NR3C2: variants seen among roughly 807,000 people sequenced by gnomAD.
The protein encoded by NR3C2 is nuclear receptor subfamily 3 group C member 2, also known as mineralocorticoid receptor.
In NR3C2, 15 loss-of-function variants were observed where a neutral mutation model predicts 86.4. That is an observed-to-expected ratio of 0.17 (90% CI 0.12 to 0.27). The LOEUF (loss-of-function observed/expected upper bound fraction) is 0.27, where lower values mean the gene tolerates loss of function less well. NR3C2 is among the 10% of genes least tolerant of loss of function. The pLI, the probability that NR3C2 is intolerant of heterozygous loss-of-function variation, is 1.00. For missense variants in NR3C2, 960 were observed against 1,195.6 expected (o/e 0.80, Z 2.91); for synonymous variants, 458 against 450.5 (o/e 1.02, Z -0.21).
chr4:148,374,109 T>G (rs1354874671), intron 2 of NR3C2, among the ~76,000 whole-genome samples: 1 of 152,204 alleles, frequency 6.6e-6, no homozygotes, highest in African/African-American at 2.4e-5. Flanking sequence ...TGTAAGCCAT[T>G]TTTACTCACA....
intron 2 of NR3C2, among the ~76,000 whole-genome samples, chr4:148,410,775 T>C (rs1292733562): frequency 1.3e-5 from 2 of 152,194 alleles, no homozygotes; most frequent in African/African-American, 4.8e-5. Context: ...GCCATTCAGA[T>C]TTCTTTCTTA....
intron 3 of NR3C2, among the ~76,000 whole-genome samples, chr4:148,217,234 A>G (rs894050885): frequency 6.6e-6 from 1 of 152,232 alleles, no homozygotes; most frequent in Non-Finnish European, 1.5e-5. Flanking sequence ...AAAACTCACC[A>G]TATGAAGCTT....
At chr4:148,418,628 AGTTCCTATTT>A (rs1749123603) in intron 2 of NR3C2, among the ~76,000 whole-genome samples, 1 of 152,180 alleles carries the variant, frequency 6.6e-6, no homozygotes. Flanking sequence ...TACCCATTGT[AGTTCCTATTT>A]GTTCCTATTC....
At chr4:148,161,524 T>A (rs113090757) in intron 4 of NR3C2, among the ~76,000 whole-genome samples, 2,107 of 152,150 alleles carry the variant, frequency 0.014, 33 homozygotes, top group African/African-American at 0.041. Context: ...TAATTTTTTT[T>A]AAATATTTTT....
At chr4:148,409,081 C>T (rs1334424506) in intron 2 of NR3C2, among the ~76,000 whole-genome samples, 4 of 152,090 alleles carry the variant, frequency 2.6e-5, no homozygotes, top group Non-Finnish European at 5.9e-5. Flanking sequence ...CCCCTAGGAT[C>T]GTTTCCTAGA....
At chr4:148,317,218 C>G (rs1296558512) in intron 2 of NR3C2, among the ~76,000 whole-genome samples, 12 of 151,896 alleles carry the variant, frequency 7.9e-5, no homozygotes, top group Non-Finnish European at 1.8e-4. Context: ...AGAAAAAAGA[C>G]ATGGCACATG....
intron 2 of NR3C2, among the ~76,000 whole-genome samples, chr4:148,434,660 G>A (rs749526960): frequency 2.6e-5 from 4 of 152,042 alleles, no homozygotes; most frequent in Non-Finnish European, 4.4e-5. Context: ...TTTCACAACC[G>A]ATGAAGTGAT....
intron 2 of NR3C2, among the ~76,000 whole-genome samples, chr4:148,327,060 GT>G (rs1294100047): frequency 1.3e-5 from 2 of 152,102 alleles, no homozygotes; most frequent in Non-Finnish European, 2.9e-5. Context: ...CAGTTCTAGA[GT>G]TTCAGATCTA....
At chr4:148,215,261 T>C (rs957228561) in intron 3 of NR3C2, among the ~76,000 whole-genome samples, 1 of 152,210 alleles carries the variant, frequency 6.6e-6, no homozygotes, top group African/African-American at 2.4e-5. Context: ...TGGTGTTTCA[T>C]AAAGTATCAG....
chr4:148,399,397 A>G (rs1748025010), intron 2 of NR3C2, among the ~76,000 whole-genome samples: 2 of 151,778 alleles, frequency 1.3e-5, no homozygotes, highest in Non-Finnish European at 2.9e-5. Flanking sequence ...AATACACTAC[A>G]TATTAAATGA....
At chr4:148,173,371 G>C (rs551945213) in intron 4 of NR3C2, among the ~76,000 whole-genome samples, 1 of 152,172 alleles carries the variant, frequency 6.6e-6, no homozygotes, top group Non-Finnish European at 1.5e-5. Context: ...TAATCATAAG[G>C]CTCCTTATTG....
At chr4:148,380,052 A>C (rs2126438923) in intron 2 of NR3C2, among the ~76,000 whole-genome samples, 1 of 152,356 alleles carries the variant, frequency 6.6e-6, no homozygotes, top group African/African-American at 2.4e-5. Context: ...TAGTATTATA[A>C]ATGCACATAG....
At chr4:148,370,790 C>T (rs1381652952) in intron 2 of NR3C2, among the ~76,000 whole-genome samples, 1 of 152,080 alleles carries the variant, frequency 6.6e-6, no homozygotes, top group Non-Finnish European at 1.5e-5. Flanking sequence ...CGTAACGTTC[C>T]TCTCATTACT....
At chr4:148,190,773 G>A (rs1197136883) in intron 4 of NR3C2, among the ~76,000 whole-genome samples, 1 of 152,128 alleles carries the variant, frequency 6.6e-6, no homozygotes, top group African/African-American at 2.4e-5. Flanking sequence ...AGTTTGTTTT[G>A]TCTGATACAA....
intron 2 of NR3C2, among the ~76,000 whole-genome samples, chr4:148,285,053 C>T (rs1741444868): frequency 6.6e-6 from 1 of 152,152 alleles, no homozygotes; most frequent in African/African-American, 2.4e-5. Flanking sequence ...ACTACAGCAA[C>T]ATATGGTTCA....
rs139326634 is a variant in NR3C2, at chr4:148,261,593, G to C, written c.1758-1476C>G. ...CTAGGTGAGAGCCAGAGTAAGAAAGGGGGCAGAGGTGGAAGAATGTGCAGA... is the reference window on the plus strand; with the variant it reads ...CTAGGTGAGAGCCAGAGTAAGAAAGCGGGCAGAGGTGGAAGAATGTGCAGA... On this transcript the variant is annotated intron_variant, in intron 2 of 8. Transcript: ENST00000358102. Among the ~76,000 whole-genome samples, 67 of 152,308 alleles carry C rather than the reference G, an allele frequency of 4.4e-4. 1 individual carries two copies. The highest frequency in any genetic ancestry group is 1.6e-3 in the African/African-American group (65 of 41,556).
intron 2 of NR3C2, among the ~76,000 whole-genome samples, chr4:148,310,521 C>A (rs1299334458): frequency 1.3e-5 from 2 of 152,162 alleles, no homozygotes; most frequent in Admixed American, 1.3e-4. Flanking sequence ...ATTATAAGAT[C>A]TTTCATAAGT....
At chr4:148,129,175 G>A (rs552035393) in intron 6 of NR3C2, among the ~76,000 whole-genome samples, 1 of 152,290 alleles carries the variant, frequency 6.6e-6, no homozygotes, top group Non-Finnish European at 1.5e-5. Context: ...TGTATACAGT[G>A]GGACATTATT....
At chr4:148,288,511 G>A (rs1741641338) in intron 2 of NR3C2, among the ~76,000 whole-genome samples, 1 of 152,302 alleles carries the variant, frequency 6.6e-6, no homozygotes, top group East Asian at 1.9e-4. Flanking sequence ...GCCAATGAGA[G>A]GTCCCTCAAT....
Sources: allele counts gnomAD v4.1 joint callset (sites outside exome capture counted in the v4.1 genomes callset), GRCh38; gene constraint gnomAD v4.1.1; transcripts MANE v1.5; gene names NCBI Gene and HGNC (gene_info 2026-07-23, HGNC 2026-07-21).